ZNF385D: variants seen among roughly 807,000 people sequenced by gnomAD.
ZNF385D encodes zinc finger protein 385D.
A neutral mutation model predicts 35.8 loss-of-function variants in ZNF385D; 15 were observed. The observed-to-expected ratio is 0.42, with a 90% CI of 0.28 to 0.64. ZNF385D has a LOEUF of 0.64. ZNF385D is among the 30% of genes least tolerant of loss of function. The pLI, the probability that ZNF385D is intolerant of heterozygous loss-of-function variation, is 0.23. For synonymous variants in ZNF385D, 212 were observed against 186.8 expected, an observed-to-expected ratio of 1.13 and a Z score of -1.10; for missense variants, 474 against 494.6, an observed-to-expected ratio of 0.96 and a Z score of 0.39.
chr3:21,641,632 CTTTTTT>C (rs144071100), intron 2 of ZNF385D, among the ~76,000 whole-genome samples: 4 of 104,752 alleles, frequency 3.8e-5, no homozygotes, highest in African/African-American at 1.5e-4. Context: ...AACAAGTCAG[CTTTTTT>C]TTTTTTTTTT....
intron 3 of ZNF385D, among the ~76,000 whole-genome samples, chr3:21,784,543 G>T (rs2071612528): frequency 6.6e-6 from 1 of 151,890 alleles, no homozygotes; most frequent in South Asian, 2.1e-4. Context: ...TGCCTGATTA[G>T]GGCATAGACT....
intron 1 of ZNF385D, among the ~76,000 whole-genome samples, chr3:21,684,923 G>T (rs1436733973): frequency 6.6e-6 from 1 of 152,160 alleles, no homozygotes; most frequent in Non-Finnish European, 1.5e-5. Context: ...GATGCATTTT[G>T]CTAGTTCAGC....
At chr3:21,936,893 T>A (rs1701286857) in intron 3 of ZNF385D, among the ~76,000 whole-genome samples, 1 of 152,186 alleles carries the variant, frequency 6.6e-6, no homozygotes, top group Admixed American at 6.5e-5. Context: ...GTAACTAGGT[T>A]AGCAGTGAAT....
At chr3:21,590,825 TA>T (rs922278033) in intron 2 of ZNF385D, among the ~76,000 whole-genome samples, 2 of 152,084 alleles carry the variant, frequency 1.3e-5, no homozygotes, top group African/African-American at 2.4e-5. Context: ...TTTTAGAAAG[TA>T]AATTAAAATA....
intron 1 of ZNF385D, among the ~76,000 whole-genome samples, chr3:21,718,814 G>A (rs557685904): frequency 1.8e-4 from 28 of 152,118 alleles, no homozygotes; most frequent in Non-Finnish European, 3.4e-4. Context: ...AATCACAACT[G>A]AATCAATTTT....
intron 3 of ZNF385D, among the ~76,000 whole-genome samples, chr3:21,949,105 G>T (rs1701932430): frequency 6.6e-6 from 1 of 152,028 alleles, no homozygotes; most frequent in Admixed American, 6.6e-5. Flanking sequence ...TACACTCATT[G>T]TTCATTTGTT....
rs954217220 is a variant in ZNF385D, at chr3:21,775,330, C to T, written c.326-110302G>A. ...CAGCCTAGAGCTTTCATTCTTGGCA[C>T]CATCACCTGCTACTTACCAAGGTCA... On this transcript the variant is annotated intron_variant, in intron 3 of 5. Transcript: ENST00000494108. Among the ~76,000 whole-genome samples the T allele has an allele frequency of 4.0e-5, 6 of 151,834 alleles. No homozygotes were observed. In the East Asian group the frequency reaches 1.2e-3, roughly 30 times the overall value.
chr3:22,214,038 G>C (rs981538920), intron 2 of ZNF385D, among the ~76,000 whole-genome samples: 30 of 152,012 alleles, frequency 2.0e-4, no homozygotes, highest in Admixed American at 1.8e-3. Context: ...CCCTGTCTTA[G>C]ACAATGCTAT....
Position 22,008,376 on chromosome 3 carries a change from G to A in ZNF385D, c.325+160441C>T, listed in dbSNP as rs554255313. On this transcript the variant is annotated intron_variant, in intron 3 of 5. Transcript: ENST00000494108. The stretch of plus-strand genomic sequence containing the variant: ...CATGATTTTCTTTTTTTTTTTTGAG[G>A]CGGAGTCTCGCTGTTGCCCAGGTTG... Among the ~76,000 whole-genome samples, 154 of 25,778 alleles carry A rather than the reference G, an allele frequency of 6.0e-3. 1 individual carries two copies. Among genetic ancestry groups the A allele is most frequent in the African/African-American group, 0.047 (145 of 3,058 alleles). 16.9% of individuals were successfully genotyped at this position (25,778 alleles called of 152,430 possible).
intron 2 of ZNF385D, among the ~76,000 whole-genome samples, chr3:21,629,943 G>A (rs184186398): frequency 1.3e-5 from 2 of 152,208 alleles, no homozygotes; most frequent in East Asian, 3.9e-4. Flanking sequence ...CAATGATATG[G>A]TTAAATATTC....
chr3:22,181,523 C>A (rs1294445180), intron 2 of ZNF385D, among the ~76,000 whole-genome samples: 1 of 151,896 alleles, frequency 6.6e-6, no homozygotes, highest in Non-Finnish European at 1.5e-5. Flanking sequence ...GGTGAAACCC[C>A]CTCTCTACTA....
intron 2 of ZNF385D, among the ~76,000 whole-genome samples, chr3:22,368,834 C>T (rs1030863875): frequency 1.3e-5 from 2 of 152,166 alleles, no homozygotes; most frequent in African/African-American, 4.8e-5. Context: ...ACATTCAATC[C>T]ATAGCAGGAA....
chr3:21,755,580 A>C (rs2070303898), upstream of ZNF385D, among the ~76,000 whole-genome samples: 1 of 152,190 alleles, frequency 6.6e-6, no homozygotes, highest in South Asian at 2.1e-4. Flanking sequence ...TCACCAAAAG[A>C]CTAAATGAGG....
At chr3:22,174,025 A>AACACACAC (rs10569895) in intron 2 of ZNF385D, among the ~76,000 whole-genome samples, 51 of 149,972 alleles carry the variant, frequency 3.4e-4, no homozygotes, top group East Asian at 1.2e-3. Flanking sequence ...TTTACACACA[A>AACACACAC]ACACACACAC....
At position 22,272,055 on chromosome 3, in the gene ZNF385D, T is replaced by G. The variant is rs115625848; in HGVS notation, c.106+100395A>C. ...ATATTTTTGGATAATGTGTTTTGTG[T>G]TTTTACATCCCATCGTATCCACAAA... On this transcript the variant is annotated intron_variant, in intron 2 of 5. Transcript: ENST00000494108. 5.0e-3 allele frequency among the ~76,000 whole-genome samples: 767 copies of G among 152,120 alleles called. 9 individuals carry two copies. Among genetic ancestry groups the G allele is most frequent in the Non-Finnish European group, 7.2e-3 (490 of 67,968 alleles).
At chr3:21,474,206 T>C (rs1704086113) in intron 4 of ZNF385D, among the ~76,000 whole-genome samples, 1 of 152,018 alleles carries the variant, frequency 6.6e-6, no homozygotes. Flanking sequence ...CCATTGGCCA[T>C]GGCTTACGTA....
intron 3 of ZNF385D, among the ~76,000 whole-genome samples, chr3:22,060,090 G>T (rs548358355): frequency 7.9e-5 from 12 of 152,292 alleles, no homozygotes; most frequent in South Asian, 2.1e-4. Context: ...TCCTTGCCCA[G>T]TTCTCAGAAC....
intron 1 of ZNF385D, among the ~76,000 whole-genome samples, chr3:21,715,495 T>C (rs2068281622): frequency 6.6e-6 from 1 of 152,180 alleles, no homozygotes; most frequent in Non-Finnish European, 1.5e-5. Flanking sequence ...AATCTAATCA[T>C]CCATTGATGG....
intron 3 of ZNF385D, among the ~76,000 whole-genome samples, chr3:21,512,042 GA>G (rs1352431723): frequency 6.6e-6 from 1 of 150,662 alleles, no homozygotes; most frequent in Non-Finnish European, 1.5e-5. Context: ...AGCTACTCGG[GA>G]GGCTGAGGCA....
Sources: allele counts gnomAD v4.1 joint callset (sites outside exome capture counted in the v4.1 genomes callset), GRCh38; gene constraint gnomAD v4.1.1; transcripts MANE v1.5; gene names NCBI Gene and HGNC (gene_info 2026-07-23, HGNC 2026-07-21).